The following BCL2 variants were observed in gnomAD, a reference collection of about 807,000 sequenced individuals.
The protein encoded by BCL2 is apoptosis regulator Bcl-2.
In BCL2, 1 loss-of-function variant was observed where a neutral mutation model predicts 14.2. That is an observed-to-expected ratio of 0.07 (90% CI 0.02 to 0.33). The LOEUF is 0.33. Among genes scored for constraint, BCL2 ranks in the 10% least tolerant of loss-of-function variants. The pLI is 0.99. For synonymous variants in BCL2, 151 were observed against 137.2 expected (o/e 1.10, Z -0.70); for missense variants, 247 against 305.9 (o/e 0.81, Z 1.44).
chr18:63,207,362 T>C (rs890824386), intron 2 of BCL2, among the ~76,000 whole-genome samples: 1 of 152,226 alleles, frequency 6.6e-6, no homozygotes, highest in African/African-American at 2.4e-5. Context: ...TAAGTGTTTG[T>C]TGAAGGAAGT....
At chr18:63,315,055 C>T (rs995132245) in intron 2 of BCL2, 1 of 152,226 alleles carries the variant, frequency 6.6e-6, no homozygotes, top group African/African-American at 2.4e-5. Context: ...CAGGTAGCAA[C>T]TCTTCCTAAA....
intron 2 of BCL2, among the ~76,000 whole-genome samples, chr18:63,308,739 G>A (rs1478300994): frequency 6.6e-6 from 1 of 151,572 alleles, no homozygotes; most frequent in East Asian, 1.9e-4. Context: ...GAACCTGTAG[G>A]ATGGGACATT....
intron 2 of BCL2, among the ~76,000 whole-genome samples, chr18:63,254,634 T>C (rs1397944669): frequency 6.6e-6 from 1 of 152,160 alleles, no homozygotes; most frequent in Non-Finnish European, 1.5e-5. Context: ...ACCAGTTTTT[T>C]ATAGCCCAAC....
chr18:63,201,794 T>G (rs1218710981), intron 2 of BCL2, among the ~76,000 whole-genome samples: 2 of 151,324 alleles, frequency 1.3e-5, no homozygotes, highest in African/African-American at 4.9e-5. Context: ...AACATGAACC[T>G]AGGGAGGAGA....
chr18:63,234,274 T>C (rs1217368985), intron 2 of BCL2, among the ~76,000 whole-genome samples: 1 of 152,168 alleles, frequency 6.6e-6, no homozygotes, highest in Non-Finnish European at 1.5e-5. Context: ...CAGTGTGTGT[T>C]GTCTCCCTCC....
intron 2 of BCL2, among the ~76,000 whole-genome samples, chr18:63,152,001 T>C (rs1914663956): frequency 2.6e-5 from 4 of 152,144 alleles, no homozygotes; most frequent in Admixed American, 2.6e-4. Flanking sequence ...TCTATAGCAG[T>C]TGGCAGGACA....
chr18:63,273,468 G>A (rs754638183), intron 2 of BCL2, among the ~76,000 whole-genome samples: 4 of 152,176 alleles, frequency 2.6e-5, no homozygotes, highest in Admixed American at 6.5e-5. Context: ...CTTACCAGCT[G>A]GGGTGGTGAA....
At chr18:63,135,425 C>T (rs975109414) in intron 2 of BCL2, among the ~76,000 whole-genome samples, 2 of 152,322 alleles carry the variant, frequency 1.3e-5, no homozygotes, top group South Asian at 4.1e-4. Flanking sequence ...CTGACACCAC[C>T]TAGCAATTCT....
At chr18:63,150,718 C>T (rs964379302) in intron 2 of BCL2, among the ~76,000 whole-genome samples, 4 of 152,132 alleles carry the variant, frequency 2.6e-5, no homozygotes, top group South Asian at 2.1e-4. Context: ...AAAAAGAAGT[C>T]GATTTAAATA....
At chr18:63,266,877 G>T (rs1298819958) in intron 2 of BCL2, among the ~76,000 whole-genome samples, 1 of 152,180 alleles carries the variant, frequency 6.6e-6, no homozygotes, top group Non-Finnish European at 1.5e-5. Context: ...TTAGGTCAGT[G>T]CCTGGCACAC....
chr18:63,142,416 C>A (rs1475437710), intron 2 of BCL2, among the ~76,000 whole-genome samples: 1 of 152,238 alleles, frequency 6.6e-6, no homozygotes, highest in Non-Finnish European at 1.5e-5. Context: ...GATGACCTAC[C>A]GCAGGCCCAG....
chr18:63,273,208 C>A (rs911904826), intron 2 of BCL2, among the ~76,000 whole-genome samples: 5 of 152,204 alleles, frequency 3.3e-5, no homozygotes, highest in Admixed American at 6.5e-5. Flanking sequence ...AATGCTTTCT[C>A]TTGGTTAGGT....
At chr18:63,251,644 C>CA (rs537877070) in intron 2 of BCL2, among the ~76,000 whole-genome samples, 9,309 of 106,448 alleles carry the variant, frequency 0.087, 433 homozygotes, top group Non-Finnish European at 0.12. Flanking sequence ...GACTCTGTCT[C>CA]AAAAAAAAAA....
At chr18:63,226,307 A>G (rs1312805537) in intron 2 of BCL2, among the ~76,000 whole-genome samples, 1 of 152,152 alleles carries the variant, frequency 6.6e-6, no homozygotes, top group Non-Finnish European at 1.5e-5. Context: ...GGAAAAGGCA[A>G]CATTCGAGTG....
intron 2 of BCL2, among the ~76,000 whole-genome samples, chr18:63,172,743 T>A (rs1264443247): frequency 6.6e-6 from 1 of 152,194 alleles, no homozygotes; most frequent in Non-Finnish European, 1.5e-5. Flanking sequence ...ATCGTGCCAC[T>A]GCACTCCAGC....
intron 2 of BCL2, among the ~76,000 whole-genome samples, chr18:63,247,704 G>A (rs1161930379): frequency 2.6e-5 from 4 of 152,044 alleles, no homozygotes; most frequent in African/African-American, 9.7e-5. Flanking sequence ...GGACTCACAA[G>A]GTCATGAGAG....
chr18:63,262,986 G>A (rs1911704523), intron 2 of BCL2, among the ~76,000 whole-genome samples: 1 of 152,108 alleles, frequency 6.6e-6, no homozygotes, highest in African/African-American at 2.4e-5. Flanking sequence ...AAAACACTAA[G>A]GAATACAGCA....
chr18:63,264,537 G>A (rs573066612), intron 2 of BCL2, among the ~76,000 whole-genome samples: 3 of 152,312 alleles, frequency 2.0e-5, no homozygotes. Context: ...GGGAGCAGCA[G>A]AGACAGATAA....
At chr18:63,297,032 G>T (rs1432416086) in intron 2 of BCL2, among the ~76,000 whole-genome samples, 2 of 152,086 alleles carry the variant, frequency 1.3e-5, no homozygotes, top group African/African-American at 4.8e-5. Context: ...TTAACACGGT[G>T]AAACCCTGTC....
Sources: allele counts gnomAD v4.1 joint callset (sites outside exome capture counted in the v4.1 genomes callset), GRCh38; gene constraint gnomAD v4.1.1; transcripts MANE v1.5; gene names NCBI Gene and HGNC (gene_info 2026-07-23, HGNC 2026-07-21).